ZNF438: variants seen among roughly 807,000 people sequenced by gnomAD.
ZNF438 encodes the protein zinc finger protein 438.
Under a neutral mutation model 38.0 loss-of-function variants are expected in ZNF438, and 25 were observed. The ratio of observed to expected loss-of-function variants is 0.66; its 90% CI spans 0.48 to 0.92. The LOEUF is 0.92. Among genes scored for constraint, ZNF438 ranks in the 40% least tolerant of loss-of-function variants. The pLI is 0.00. For synonymous variants in ZNF438, 372 were observed against 364.1 expected (o/e 1.02, Z -0.25); for missense variants, 1,007 against 999.6 (o/e 1.01, Z -0.10).
intron 3 of ZNF438, among the ~76,000 whole-genome samples, chr10:30,901,407 G>A (rs763417765): frequency 2.0e-5 from 3 of 151,724 alleles, no homozygotes; most frequent in Non-Finnish European, 2.9e-5. Context: ...TCTTAAAGGC[G>A]GCACGTCCGG....
chr10:30,946,911 G>A (rs910642316), intron 1 of ZNF438, among the ~76,000 whole-genome samples: 1 of 152,032 alleles, frequency 6.6e-6, no homozygotes, highest in African/African-American at 2.4e-5. Context: ...TTGTGCTCGT[G>A]TTTAAAATAT....
rs570215842 is a variant in ZNF438, at chr10:30,901,037, C to T, written c.-32+7896G>A. Among the ~76,000 whole-genome samples the T allele has an allele frequency of 3.3e-5, 5 of 152,280 alleles. No individual in the cohort carries two copies. In the East Asian group the frequency reaches 9.6e-4, roughly 29 times the overall value. On this transcript the variant is annotated intron_variant, in intron 3 of 5. Coordinates refer to ENST00000413025, the Ensembl canonical transcript of ZNF438. ...TCCTGATTCTCCTAATACAAATTTG[C>T]CTCTAGCTTTGCTGTTTGGTATTTG...
chr10:30,908,514 C>A lies in ZNF438; in HGVS notation c.-32+419G>T, dbSNP rs189474141. 2.6e-5 allele frequency among the ~76,000 whole-genome samples: 4 copies of A among 152,268 alleles called. No individual in the cohort carries two copies. The East Asian group carries it at 7.7e-4, about 29-fold the overall frequency. On this transcript the variant is annotated intron_variant, in intron 3 of 5. Transcript: ENST00000413025. ...GGTAGGAGGTATGCACAGTAAGGTG[C>A]TTGCTTTGGATTTGCTCTTAAACAC...
chr10:31,023,099 T>C (rs2056717802), intron 1 of ZNF438, among the ~76,000 whole-genome samples: 1 of 152,250 alleles, frequency 6.6e-6, no homozygotes, highest in Non-Finnish European at 1.5e-5. Flanking sequence ...TATAGTAACA[T>C]GATTTGCAAA....
At chr10:30,867,259 T>A (rs1044101006) in intron 4 of ZNF438, among the ~76,000 whole-genome samples, 2 of 152,220 alleles carry the variant, frequency 1.3e-5, no homozygotes, top group Non-Finnish European at 2.9e-5. Context: ...CAAACTATCT[T>A]CAATGAAGCC....
In ZNF438 at chr10:30,849,487, G is replaced by T; in HGVS notation, c.918C>A (p.Tyr306Ter). 1 of 1,614,208 alleles carries T rather than the reference G, an allele frequency of 6.2e-7. No homozygotes were observed. ...CAATGTTAGCATCTGATTTGATTTT[G>T]TAAACCTCCATTGTCTTCATTCTTG... Residue 306 changes from tyrosine to a stop codon, truncating the protein, a stop_gained, in exon 5 of 6, where the codon TAC becomes TAA. Transcript: ENST00000413025. LOFTEE classifies it high-confidence loss of function.
At chr10:30,909,449 TC>T (rs1276278882) in intron 2 of ZNF438, among the ~76,000 whole-genome samples, 3 of 152,118 alleles carry the variant, frequency 2.0e-5, no homozygotes, top group Admixed American at 6.5e-5. Context: ...AACACAGAAC[TC>T]CTGATTCTCG....
intron 2 of ZNF438, among the ~76,000 whole-genome samples, chr10:30,912,310 GT>G (rs1243352317): frequency 2.0e-5 from 3 of 152,072 alleles, no homozygotes. Context: ...TACTGGACAT[GT>G]TAGCAGTAAA....
In ZNF438 at chr10:30,849,963, T is replaced by G. The variant is rs766829812; in HGVS notation, c.442A>C (p.Lys148Gln). 28 of 1,614,052 alleles carry G rather than the reference T, an allele frequency of 1.7e-5. No homozygotes were observed. In the South Asian group the frequency reaches 3.0e-4, roughly 17 times the overall value. The change falls in exon 5 of 6, where the codon AAA becomes CAA. Residue 148 changes from lysine (K) to glutamine (Q), a missense_variant. Coordinates refer to ENST00000413025, the Ensembl canonical transcript of ZNF438. ...CACATTTGGGTTTGGGCAGGAGCTT[T>G]GCTACAGCCACTCTTAGGAAAGATC...
intron 3 of ZNF438, among the ~76,000 whole-genome samples, chr10:30,907,327 GTGT>G (rs1016872541): frequency 5.9e-5 from 9 of 152,128 alleles, no homozygotes; most frequent in Non-Finnish European, 1.2e-4. Flanking sequence ...TAGTTTTCTT[GTGT>G]TGTTGTTGTC....
chr10:30,994,300 G>T (rs189612801), intron 1 of ZNF438, among the ~76,000 whole-genome samples: 5 of 152,208 alleles, frequency 3.3e-5, no homozygotes, highest in Non-Finnish European at 7.3e-5. Context: ...TTCTCCAAAG[G>T]TTCACCGTAT....
exon 6 of ZNF438, chr10:30,845,073 A>G (rs2031573249): frequency 6.2e-7 from 1 of 1,614,176 alleles, no homozygotes; most frequent in Non-Finnish European, 8.5e-7. Context: ...CCAGTGGTGG[A>G]GGAGGTCCTC....
At chr10:30,888,521 C>A (rs748449168) in intron 3 of ZNF438, among the ~76,000 whole-genome samples, 3 of 152,118 alleles carry the variant, frequency 2.0e-5, no homozygotes, top group Non-Finnish European at 4.4e-5. Context: ...CTCCCTCCTC[C>A]CACCCTCCAC....
At chr10:30,944,307 T>G (rs1370899021) in intron 1 of ZNF438, among the ~76,000 whole-genome samples, 1 of 152,180 alleles carries the variant, frequency 6.6e-6, no homozygotes, top group Non-Finnish European at 1.5e-5. Context: ...GTAGGAAGAC[T>G]AGATGCAAAG....
In ZNF438 at chr10:30,988,016, C is replaced by T. The variant is rs79374862; in HGVS notation, c.-192+43817G>A. Among the ~76,000 whole-genome samples, 892 of 152,192 alleles carry T rather than the reference C, an allele frequency of 5.9e-3. 9 individuals carry two copies. The highest frequency in any genetic ancestry group is 0.021 in the African/African-American group (860 of 41,528). On this transcript the variant is annotated intron_variant, in intron 1 of 5. Coordinates refer to ENST00000413025, the Ensembl canonical transcript of ZNF438. ...GAACTTGAGAATGCCTACAATTTAGCAGCATCTAAATTTGGTTAAGATGTT... is the reference window on the plus strand; with the variant it reads ...GAACTTGAGAATGCCTACAATTTAGTAGCATCTAAATTTGGTTAAGATGTT...
chr10:30,877,087 T>C, intron 3 of ZNF438, 22 bp from the exon 5 acceptor site: 2 of 1,471,008 alleles, frequency 1.4e-6, no homozygotes, highest in Non-Finnish European at 1.9e-6. Flanking sequence ...CAAGCACAAA[T>C]AAGTATTAGA....
At chr10:30,898,250 TA>T (rs896084830) in intron 3 of ZNF438, among the ~76,000 whole-genome samples, 5 of 152,258 alleles carry the variant, frequency 3.3e-5, no homozygotes, top group African/African-American at 1.2e-4. Flanking sequence ...GAATACAACT[TA>T]AAACAGCAGT....
chr10:30,999,705 C>T (rs913429168), intron 1 of ZNF438, among the ~76,000 whole-genome samples: 2 of 152,118 alleles, frequency 1.3e-5, no homozygotes, highest in Admixed American at 6.5e-5. Flanking sequence ...GGCATTTTGA[C>T]GATTCTTTAC....
chr10:31,006,748 G>A (rs2055164728), intron 1 of ZNF438, among the ~76,000 whole-genome samples: 1 of 117,088 alleles, frequency 8.5e-6, no homozygotes, highest in Non-Finnish European at 1.7e-5. Context: ...GGTGTCTGCT[G>A]CAAAATGTCT....
Sources: gnomAD v4.1 joint callset for allele counts (sites outside exome capture counted in the v4.1 genomes callset) on GRCh38, gnomAD v4.1.1 for gene constraint, MANE v1.5 for transcripts, NCBI Gene and HGNC (gene_info 2026-07-23, HGNC 2026-07-21) for gene names.